FXR1: variants seen among roughly 807,000 people sequenced by gnomAD.
FXR1 encodes the protein FMR1 autosomal homolog 1.
A neutral mutation model predicts 84.0 loss-of-function variants in FXR1; 15 were observed. That is an observed-to-expected ratio of 0.18 (90% CI 0.12 to 0.27). The LOEUF (loss-of-function observed/expected upper bound fraction) is 0.27. Among genes scored for constraint, FXR1 ranks in the 10% least tolerant of loss-of-function variants. The probability of loss-of-function intolerance (pLI) is 1.00; values close to 1 mark genes in which losing one functional copy is unlikely to be tolerated. For missense variants in FXR1, 480 were observed against 774.4 expected (o/e 0.62, Z 4.51); for synonymous variants, 245 against 250.7 (o/e 0.98, Z 0.21).
chr3:180,972,874 G>C (rs755128333), intron 15 of FXR1, among the ~76,000 whole-genome samples: 53 of 152,138 alleles, frequency 3.5e-4, no homozygotes, highest in Non-Finnish European at 6.6e-4. Flanking sequence ...GTTAACCCTT[G>C]ATCCTAGTAG....
At chr3:180,937,935 G>C (rs887040922) in intron 3 of FXR1, among the ~76,000 whole-genome samples, 1 of 151,886 alleles carries the variant, frequency 6.6e-6, no homozygotes, top group Non-Finnish European at 1.5e-5. Flanking sequence ...TGATTCTCTT[G>C]TAAGTTTTTT....
At chr3:180,951,223 GA>G in intron 7 of FXR1, 74 bp from the exon 8 acceptor site, 3 of 899,160 alleles carry the variant, frequency 3.3e-6, no homozygotes, top group Admixed American at 2.0e-5. Context: ...ACCCTGTCTG[GA>G]AAAAAACCAA....
intron 7 of FXR1, among the ~76,000 whole-genome samples, chr3:180,950,586 A>G (rs2108468379): frequency 6.6e-6 from 1 of 152,232 alleles, no homozygotes; most frequent in East Asian, 1.9e-4. Context: ...ATCAATCTTC[A>G]GTACATCTCA....
chr3:180,916,811 G>A (rs982682641), intron 1 of FXR1, among the ~76,000 whole-genome samples: 1 of 152,106 alleles, frequency 6.6e-6, no homozygotes, highest in Non-Finnish European at 1.5e-5. Flanking sequence ...TGAGATTTCA[G>A]TCACTTTCTG....
rs568049442 is a variant in FXR1, at chr3:180,978,841, C to T, written c.*2549C>T. 2.6e-5 allele frequency: 4 copies of T among 152,208 alleles called. No individual in the cohort carries two copies. The highest frequency in any genetic ancestry group is 5.9e-5 in the Non-Finnish European group (4 of 67,972). 9.4% of individuals were successfully genotyped at this position (152,208 alleles called of 1,614,324 possible). A position where few individuals can be genotyped will look rare whatever the true frequency, so the allele number is the denominator to read the frequency against. On this transcript the variant is annotated 3_prime_UTR_variant, in exon 17 of 17. Transcript: ENST00000357559. ...ATTATATGGTGGCAAAAATGACCTG[C>T]TTTTCCTGAAGCTTTGGGAGGCCTA...
At chr3:180,955,405 A>G (rs1805612) in intron 9 of FXR1, among the ~76,000 whole-genome samples, 3,139 of 152,206 alleles carry the variant, frequency 0.021, 47 homozygotes, top group Admixed American at 0.038. Context: ...TTCACTGTAG[A>G]CTGAACTGCT....
At chr3:180,926,506 A>ATATATATATATATATATTT (rs72192827) in intron 1 of FXR1, among the ~76,000 whole-genome samples, 43 of 124,352 alleles carry the variant, frequency 3.5e-4, no homozygotes, top group Non-Finnish European at 6.0e-4. Flanking sequence ...ATATATATAT[A>ATATATATATATATATATTT]TTTTTTTTTC....
chr3:180,964,673 TTATATATATATATATA>T (rs10600370), intron 13 of FXR1, among the ~76,000 whole-genome samples: 2 of 136,356 alleles, frequency 1.5e-5, no homozygotes, highest in African/African-American at 2.9e-5. Context: ...TGTAGTTGAT[TTATATATATATATATA>T]TATATATATA....
In FXR1 at chr3:180,981,070, T is replaced by C. The variant is rs1400404121; in HGVS notation, c.*4778T>C. ...GGTTCTTGTGCACTCAATGTGAACCTACTACAAGCTTCTGAACTGCAAAAC... is the reference window on the plus strand; with the variant it reads ...GGTTCTTGTGCACTCAATGTGAACCCACTACAAGCTTCTGAACTGCAAAAC... On this transcript the variant is annotated 3_prime_UTR_variant, in exon 17 of 17. Transcript: ENST00000357559. The C allele has an allele frequency of 1.3e-5, 2 of 152,002 alleles. No individual in the cohort carries two copies. The highest frequency in any genetic ancestry group is 2.9e-5 in the Non-Finnish European group (2 of 67,924). 9.4% of individuals were successfully genotyped at this position (152,002 alleles called of 1,614,324 possible). A position where few individuals can be genotyped will look rare whatever the true frequency, so the allele number is the denominator to read the frequency against.
intron 3 of FXR1, among the ~76,000 whole-genome samples, chr3:180,936,897 G>GT (rs1035797774): frequency 6.6e-6 from 1 of 152,190 alleles, no homozygotes; most frequent in Non-Finnish European, 1.5e-5. Flanking sequence ...AACTATCTGT[G>GT]TGTATTAGAG....
chr3:180,976,465 T>TA lies in FXR1; in HGVS notation c.*173_*174insA. Reference sequence around the variant, plus strand: ...AAGAAATCATATGTTAAACATACTTTGACACCTACTGTGTTATAAAATATA... The same window carrying TA: ...AAGAAATCATATGTTAAACATACTTTAGACACCTACTGTGTTATAAAATATA... On this transcript the variant is annotated 3_prime_UTR_variant, in exon 17 of 17. Transcript: ENST00000357559. The TA allele has an allele frequency of 6.1e-6, 3 of 490,552 alleles. No homozygotes were observed. The Admixed American group carries it at 1.2e-4, about 19-fold the overall frequency. 30.4% of individuals were successfully genotyped at this position (490,552 alleles called of 1,614,324 possible).
At chr3:180,948,636 A>C (rs1166666823) in intron 5 of FXR1, 85 bp from the exon 6 acceptor site, 37 of 967,156 alleles carry the variant, frequency 3.8e-5, no homozygotes, top group Non-Finnish European at 5.4e-5. Context: ...GGGCTTGTCA[A>C]AATGAAACAC....
At chr3:180,948,143 A>C (rs1250600420) in intron 4 of FXR1, 2 of 612,744 alleles carry the variant, frequency 3.3e-6, no homozygotes, top group Non-Finnish European at 5.8e-6. Flanking sequence ...CACCTCAAGC[A>C]TGTAAGGACC....
chr3:180,931,961 G>C (rs1272365502), intron 1 of FXR1, among the ~76,000 whole-genome samples: 2 of 148,712 alleles, frequency 1.3e-5, no homozygotes, highest in East Asian at 4.0e-4. Context: ...GGATGGTCTC[G>C]AACTCTTGAG....
chr3:180,917,049 T>C (rs575869124), intron 1 of FXR1, among the ~76,000 whole-genome samples: 24 of 152,082 alleles, frequency 1.6e-4, no homozygotes, highest in Admixed American at 1.4e-3. Context: ...TTGGCCAGGA[T>C]GTTCTCGATC....
At chr3:180,935,265 T>A (rs1559986559) in intron 3 of FXR1, 34 bp downstream of exon 3, 1 of 913,386 alleles carries the variant, frequency 1.1e-6, no homozygotes, top group East Asian at 2.4e-5. Flanking sequence ...CTTGTGTCTA[T>A]TTTTTTGATT....
chr3:180,919,908 T>G (rs1463686710), intron 1 of FXR1, among the ~76,000 whole-genome samples: 3 of 146,228 alleles, frequency 2.1e-5, no homozygotes, highest in African/African-American at 7.6e-5. Context: ...CCTTATGATC[T>G]TCCTGCCTCA....
rs532974430 is a variant in FXR1, at chr3:180,981,375, C to T, written c.*5083C>T. The stretch of plus-strand genomic sequence containing the variant: ...CATTGGTTTTCCATTTAAATGTTTC[C>T]GTAAGTACTCTCATCATTTGGAAAA... On this transcript the variant is annotated 3_prime_UTR_variant, in exon 17 of 17. Transcript: ENST00000357559. 6 of 152,066 alleles carry T rather than the reference C, an allele frequency of 3.9e-5. No homozygotes were observed. Among genetic ancestry groups the T allele is most frequent in the East Asian group, 1.9e-4 (1 of 5,166 alleles). The allele number at this position is 152,066 out of a possible 1,614,324, so 9.4% of individuals were successfully genotyped here.
At chr3:180,922,918 C>G (rs1718752381) in intron 1 of FXR1, among the ~76,000 whole-genome samples, 1 of 152,078 alleles carries the variant, frequency 6.6e-6, no homozygotes, top group South Asian at 2.1e-4. Context: ...GCCCTGCCTC[C>G]CCATCCTTTT....
Sources: gnomAD v4.1 joint callset for allele counts (sites outside exome capture counted in the v4.1 genomes callset) on GRCh38, gnomAD v4.1.1 for gene constraint, MANE v1.5 for transcripts, NCBI Gene and HGNC (gene_info 2026-07-23, HGNC 2026-07-21) for gene names.